LRPPRC: variants seen among roughly 807,000 people sequenced by gnomAD.
LRPPRC encodes leucine rich pentatricopeptide repeat containing.
In LRPPRC, 120 loss-of-function variants were observed where a neutral mutation model predicts 180.3. The observed-to-expected ratio is 0.67, with a 90% CI of 0.57 to 0.77. The LOEUF (loss-of-function observed/expected upper bound fraction) is 0.77. Among genes scored for constraint, LRPPRC ranks in the 30% least tolerant of loss-of-function variants. The pLI is 0.00. For synonymous variants in LRPPRC, 723 were observed against 600.0 expected (o/e 1.21, Z -3.00); for missense variants, 2,012 against 1,657.2 (o/e 1.21, Z -3.72).
intron 11 of LRPPRC, 139 bp downstream of exon 11, chr2:43,973,468 A>C: frequency 1.4e-6 from 1 of 698,278 alleles, no homozygotes; most frequent in Non-Finnish European, 2.6e-6. Context: ...ATAATACTTC[A>C]TGATGACTTA....
chr2:43,903,988 G>C (rs761520536), intron 31 of LRPPRC: 1 of 152,216 alleles, frequency 6.6e-6, no homozygotes, highest in Non-Finnish European at 1.5e-5. Flanking sequence ...TTCTTGCCCA[G>C]GCTGAGTGCA....
chr2:43,897,750 G>C (rs1670736797), intron 34 of LRPPRC, among the ~76,000 whole-genome samples: 1 of 151,900 alleles, frequency 6.6e-6, no homozygotes, highest in Non-Finnish European at 1.5e-5. Flanking sequence ...CGCCATCCCT[G>C]CTGCCACCCA....
intron 1 of LRPPRC, among the ~76,000 whole-genome samples, chr2:43,988,357 A>G (rs1275235861): frequency 6.6e-6 from 1 of 151,368 alleles, no homozygotes; most frequent in African/African-American, 2.4e-5. Context: ...ACCAACATGA[A>G]GAAACCCCAT....
Position 43,894,533 on chromosome 2 carries a change from A to ATTTG in LRPPRC, c.3985+11_3985+12insCAAA. On this transcript the variant is annotated intron_variant, in intron 36 of 37. Transcript: ENST00000260665. ...TTAAATAAATAATATAGTCAAATTA[A>ATTTG]ACTTATATTACCATAGCTTTTCATG... is the stretch of plus-strand genomic sequence containing the variant. 1 of 1,240,172 alleles carries ATTTG rather than the reference A, an allele frequency of 8.1e-7. No individual in the cohort carries two copies. Among genetic ancestry groups the ATTTG allele is most frequent in the Admixed American group, 1.7e-5 (1 of 59,366 alleles). The allele number at this position is 1,240,172 out of a possible 1,614,324, so 76.8% of individuals were successfully genotyped here.
intron 23 of LRPPRC, among the ~76,000 whole-genome samples, chr2:43,935,208 T>A (rs1407956572): frequency 6.6e-6 from 1 of 152,236 alleles, no homozygotes; most frequent in Non-Finnish European, 1.5e-5. Context: ...TGTAGAAAGT[T>A]GCTGTAAGAA....
At chr2:43,929,474 C>A (rs1219019990) in intron 25 of LRPPRC, among the ~76,000 whole-genome samples, 1 of 152,112 alleles carries the variant, frequency 6.6e-6, no homozygotes, top group African/African-American at 2.4e-5. Context: ...ATAAGATAGA[C>A]TAGAATCTGC....
At chr2:43,951,328 C>A (rs1481660257) in intron 14 of LRPPRC, among the ~76,000 whole-genome samples, 6 of 152,162 alleles carry the variant, frequency 3.9e-5, no homozygotes, top group African/African-American at 1.4e-4. Context: ...TCCAAGGAAT[C>A]TTAACTTGCC....
chr2:43,995,628 C>T, intron 1 of LRPPRC, 171 bp downstream of exon 1: 5 of 590,556 alleles, frequency 8.5e-6, no homozygotes, highest in Non-Finnish European at 1.3e-5. Context: ...GCGCTTAACC[C>T]TGTCACCCGA....
Position 43,888,657 on chromosome 2 carries a change from C to CTGT in LRPPRC, c.4129-4_4129-2dup. The CTGT allele has an allele frequency of 6.3e-7, 1 of 1,579,004 alleles. No individual in the cohort carries two copies. Among genetic ancestry groups the CTGT allele is most frequent in the African/African-American group, 1.3e-5 (1 of 74,348 alleles). ...GCTGTGCATAAAATTCAAAGCTTTC[C>CTGT]TGTTAAGGAGAAAAAAAGAGGGAAG... is the stretch of plus-strand genomic sequence containing the variant. On this transcript the variant is annotated splice_acceptor_variant, in intron 37 of 37. Coordinates refer to ENST00000260665, the MANE Select transcript of LRPPRC (RefSeq NM_133259.4). LOFTEE classifies it high-confidence loss of function.
chr2:43,911,010 T>A (rs183558516), intron 30 of LRPPRC, among the ~76,000 whole-genome samples: 1 of 152,012 alleles, frequency 6.6e-6, no homozygotes, highest in East Asian at 1.9e-4. Context: ...CAGAGAGGGT[T>A]GGGATGGAGA....
intron 31 of LRPPRC, chr2:43,902,532 A>G (rs2104995307): frequency 6.6e-6 from 1 of 152,326 alleles, no homozygotes; most frequent in East Asian, 1.9e-4. Flanking sequence ...AATACAGTGG[A>G]AAGACATGAT....
chr2:43,899,220 T>C lies in LRPPRC; in HGVS notation c.3824A>G (p.Gln1275Arg), dbSNP rs1210190076. Residue 1275 changes from glutamine (Q) to arginine (R), a missense_variant and splice_region_variant, in exon 34 of 38, where the codon CAG (glutamine) becomes CGG (arginine). Coordinates refer to ENST00000260665, the MANE Select transcript of LRPPRC (RefSeq NM_133259.4). ...GCTCCATGAGTGGAGGGTCATTACCTGTAGGAGAGCTCTGGCATCATCCAC... is the reference window on the plus strand; with the variant it reads ...GCTCCATGAGTGGAGGGTCATTACCCGTAGGAGAGCTCTGGCATCATCCAC... ...GKVDDARALLQRCGAIAEQTP... is the reference protein window; with the variant it reads ...GKVDDARALLRRCGAIAEQTP... 1.9e-6 allele frequency: 3 copies of C among 1,610,172 alleles called. No individual in the cohort carries two copies. Among genetic ancestry groups the C allele is most frequent in the Non-Finnish European group, 2.5e-6 (3 of 1,176,492 alleles).
chr2:43,987,491 C>CAAAAAA lies in LRPPRC; in HGVS notation c.150-5063_150-5058dup, dbSNP rs34151335. 1.4e-4 allele frequency among the ~76,000 whole-genome samples: 11 copies of CAAAAAA among 75,888 alleles called. 1 individual carries two copies. Among genetic ancestry groups the CAAAAAA allele is most frequent in the African/African-American group, 4.3e-4 (8 of 18,580 alleles). 49.8% of individuals were successfully genotyped at this position (75,888 alleles called of 152,430 possible). ...GGCCGGGCGACAGAGCCAGACTCCT[C>CAAAAAA]AAAAAAAAAAAAAAAAAAAAGGTTG... is the stretch of plus-strand genomic sequence containing the variant. On this transcript the variant is annotated intron_variant, in intron 1 of 37. Transcript: ENST00000260665.
At chr2:43,927,629 C>A (rs1235482929) in intron 25 of LRPPRC, among the ~76,000 whole-genome samples, 1 of 152,144 alleles carries the variant, frequency 6.6e-6, no homozygotes, top group South Asian at 2.1e-4. Flanking sequence ...CTCTTCAGAA[C>A]ACGGCAAAAT....
intron 14 of LRPPRC, among the ~76,000 whole-genome samples, chr2:43,956,414 T>C (rs1414287006): frequency 6.6e-6 from 1 of 151,844 alleles, no homozygotes; most frequent in Non-Finnish European, 1.5e-5. Flanking sequence ...TTAAGAGAAA[T>C]ATGCTGAAAG....
chr2:43,993,414 A>G (rs541488370), intron 1 of LRPPRC, among the ~76,000 whole-genome samples: 1 of 152,340 alleles, frequency 6.6e-6, no homozygotes, highest in Admixed American at 6.5e-5. Flanking sequence ...AAAAAAATCA[A>G]TAAGATAATA....
rs749199915 is a variant in LRPPRC at position 43,889,801 on chromosome 2, A to T, written c.4061T>A (p.Leu1354Gln). The T allele has an allele frequency of 6.2e-7, 1 of 1,610,942 alleles. No individual in the cohort carries two copies. Among genetic ancestry groups the T allele is most frequent in the East Asian group, 2.2e-5 (1 of 44,880 alleles). Residue 1354 changes from leucine to glutamine, a missense_variant, in exon 37 of 38, where the codon CTG becomes CAG. Physicochemically the swap from Leu to Gln is moderately radical, Grantham distance 113. Transcript: ENST00000260665. Reference protein sequence around the residue: ...LTAKNTKLDDLFLKRYASLLK... With the variant: ...LTAKNTKLDDQFLKRYASLLK... ...CAAAGATGCGTAACGCTTTAGAAAC[A>T]GATCATCCAATTTTGTATTCTTTGC...
At chr2:43,961,616 T>C (rs1285319158) in intron 12 of LRPPRC, among the ~76,000 whole-genome samples, 2 of 152,204 alleles carry the variant, frequency 1.3e-5, no homozygotes, top group Admixed American at 1.3e-4. Context: ...TATTATGTAA[T>C]TTCTGAAAAC....
chr2:43,983,872 C>A (rs1222266366), intron 1 of LRPPRC, among the ~76,000 whole-genome samples: 1 of 152,038 alleles, frequency 6.6e-6, no homozygotes, highest in Non-Finnish European at 1.5e-5. Flanking sequence ...AGAAATTCTA[C>A]CACTGTGATC....
Sources: gnomAD v4.1 joint callset for allele counts (sites outside exome capture counted in the v4.1 genomes callset) on GRCh38, gnomAD v4.1.1 for gene constraint, MANE v1.5 for transcripts, NCBI Gene and HGNC (gene_info 2026-07-23, HGNC 2026-07-21) for gene names.